Variants in WDFY3 observed in about 807,000 individuals in gnomAD.
WDFY3 encodes the protein WD repeat and FYVE domain-containing protein 3.
A neutral mutation model predicts 409.6 loss-of-function variants in WDFY3; 66 were observed. That is an observed-to-expected ratio of 0.16 (90% CI 0.13 to 0.20). The LOEUF (loss-of-function observed/expected upper bound fraction) is 0.20, where lower values mean the gene tolerates loss of function less well. Ranked by LOEUF, WDFY3 falls within the 10% of genes least tolerant of loss-of-function variation. The pLI is 1.00. For synonymous variants in WDFY3, 1,521 were observed against 1,537.1 expected, an observed-to-expected ratio of 0.99 and a Z score of 0.25; for missense variants, 3,031 against 4,298.1, an observed-to-expected ratio of 0.71 and a Z score of 8.24.
At chr4:84,855,165 C>G (rs1281362099) in intron 4 of WDFY3, among the ~76,000 whole-genome samples, 1 of 152,138 alleles carries the variant, frequency 6.6e-6, no homozygotes, top group Non-Finnish European at 1.5e-5. Flanking sequence ...TCATAAAATC[C>G]TACAGAATAG....
chr4:84,925,266 T>A (rs1029081391), intron 2 of WDFY3, among the ~76,000 whole-genome samples: 3 of 152,190 alleles, frequency 2.0e-5, no homozygotes, highest in African/African-American at 7.2e-5. Flanking sequence ...TTGTTCTCAT[T>A]TGTTAACTTC....
intron 13 of WDFY3, among the ~76,000 whole-genome samples, chr4:84,810,988 A>C (rs1335954203): frequency 6.6e-6 from 1 of 152,150 alleles, no homozygotes; most frequent in Non-Finnish European, 1.5e-5. Flanking sequence ...ATTTTAACTT[A>C]GCTTATGATT....
intron 55 of WDFY3, among the ~76,000 whole-genome samples, chr4:84,703,011 G>A (rs1434176291): frequency 6.6e-6 from 1 of 151,846 alleles, no homozygotes; most frequent in Admixed American, 6.6e-5. Flanking sequence ...CAGGAGAATG[G>A]CATGAACCCC....
chr4:84,803,647 G>T (rs1448447981), intron 15 of WDFY3, among the ~76,000 whole-genome samples, 180 bp from the exon 16 acceptor site: 3 of 151,972 alleles, frequency 2.0e-5, no homozygotes, highest in African/African-American at 7.2e-5. Context: ...CATGTGTGTG[G>T]GTGGGTGTGT....
chr4:84,919,051 C>T (rs1426579971), intron 2 of WDFY3, among the ~76,000 whole-genome samples: 1 of 151,744 alleles, frequency 6.6e-6, no homozygotes, highest in African/African-American at 2.4e-5. Context: ...CAAGATGAAA[C>T]TTATTATAAA....
chr4:84,860,326 T>A, intron 4 of WDFY3, 86 bp downstream of exon 4: 1 of 1,412,718 alleles, frequency 7.1e-7, no homozygotes, highest in Non-Finnish European at 9.5e-7. Context: ...CTATCATTTT[T>A]TTCTACCTAT....
chr4:84,939,907 T>C (rs191894147), intron 1 of WDFY3, among the ~76,000 whole-genome samples: 469 of 152,196 alleles, frequency 3.1e-3, no homozygotes, highest in Admixed American at 9.6e-3. Context: ...CTCTTAGCCC[T>C]TTTACTGGAC....
At chr4:84,953,463 T>C (rs1013249385) in intron 1 of WDFY3, among the ~76,000 whole-genome samples, 2 of 152,174 alleles carry the variant, frequency 1.3e-5, no homozygotes, top group African/African-American at 4.8e-5. Flanking sequence ...TGTGAGATGA[T>C]AGATATGTTC....
At chr4:84,836,855 T>TA in intron 7 of WDFY3, 74 bp downstream of exon 7, 1 of 1,259,882 alleles carries the variant, frequency 7.9e-7, no homozygotes, top group Non-Finnish European at 1.0e-6. Flanking sequence ...ATGGAATATG[T>TA]AAAACATCTA....
intron 1 of WDFY3, among the ~76,000 whole-genome samples, chr4:84,947,306 A>T (rs559391778): frequency 5.5e-5 from 8 of 145,016 alleles, no homozygotes; most frequent in Non-Finnish European, 1.1e-4. Context: ...AGGTCAGGAG[A>T]TGGAGACCAT....
intron 58 of WDFY3, among the ~76,000 whole-genome samples, chr4:84,694,981 G>C (rs1050983291): frequency 6.6e-6 from 1 of 152,036 alleles, no homozygotes; most frequent in Non-Finnish European, 1.5e-5. Flanking sequence ...CAAAAAGGGA[G>C]TCCGTAGAGA....
At chr4:84,683,856 A>G in intron 63 of WDFY3, 87 bp downstream of exon 63, 1 of 1,369,022 alleles carries the variant, frequency 7.3e-7, no homozygotes, top group Non-Finnish European at 1.0e-6. Context: ...CAACTTGTTC[A>G]GGTGTTCTTA....
rs1725609153 is a variant in WDFY3, at chr4:84,672,725, A to G, written c.*143T>C. On this transcript the variant is annotated 3_prime_UTR_variant, in exon 68 of 68. Transcript: ENST00000295888. Reference sequence around the variant, plus strand: ...CTGTACTCTACACCCGTTTTATTCAATGATCCCTTTGAATTTTAACACTTC... The same window carrying G: ...CTGTACTCTACACCCGTTTTATTCAGTGATCCCTTTGAATTTTAACACTTC... 5 of 1,223,416 alleles carry G rather than the reference A, an allele frequency of 4.1e-6. No homozygotes were observed. Among genetic ancestry groups the G allele is most frequent in the East Asian group, 2.4e-5 (1 of 42,158 alleles). The allele number at this position is 1,223,416 out of a possible 1,614,324, so 75.8% of individuals were successfully genotyped here.
chr4:84,892,302 G>A (rs951921930), intron 3 of WDFY3, among the ~76,000 whole-genome samples: 1 of 150,874 alleles, frequency 6.6e-6, no homozygotes, highest in Admixed American at 6.6e-5. Flanking sequence ...CAAAATTCAG[G>A]CTTTATGTAA....
chr4:84,899,913 T>G (rs1466789380), intron 2 of WDFY3, among the ~76,000 whole-genome samples: 4 of 152,052 alleles, frequency 2.6e-5, no homozygotes, highest in Non-Finnish European at 4.4e-5. Context: ...TAGCCAGATG[T>G]GGTGGCGTGC....
intron 2 of WDFY3, among the ~76,000 whole-genome samples, chr4:84,898,357 T>C (rs1485907138): frequency 2.0e-5 from 3 of 152,246 alleles, no homozygotes; most frequent in Non-Finnish European, 4.4e-5. Flanking sequence ...AAGGAGATCA[T>C]GTTCAATTGC....
intron 29 of WDFY3, 66 bp from the exon 30 acceptor site, chr4:84,772,995 AC>A (rs1346416575): frequency 8.0e-7 from 1 of 1,252,464 alleles, no homozygotes; most frequent in Non-Finnish European, 1.1e-6. Flanking sequence ...ACAACAAAGT[AC>A]AAAGAAACAA....
chr4:84,700,151 CTA>C (rs1443345952), intron 56 of WDFY3, among the ~76,000 whole-genome samples: 5 of 152,024 alleles, frequency 3.3e-5, no homozygotes, highest in Non-Finnish European at 5.9e-5. Context: ...AGATTTACCC[CTA>C]TGTTTTCTCA....
At chr4:84,689,647 A>G (rs1728918916) in intron 61 of WDFY3, among the ~76,000 whole-genome samples, 1 of 152,198 alleles carries the variant, frequency 6.6e-6, no homozygotes, top group African/African-American at 2.4e-5. Flanking sequence ...CTTTGAAGTC[A>G]GACAGAACTT....
Sources: gnomAD v4.1 joint callset for allele counts (sites outside exome capture counted in the v4.1 genomes callset) on GRCh38, gnomAD v4.1.1 for gene constraint, MANE v1.5 for transcripts, NCBI Gene and HGNC (gene_info 2026-07-23, HGNC 2026-07-21) for gene names.